The following DEAF1 variants were observed in gnomAD, a reference collection of about 807,000 sequenced individuals.
DEAF1 encodes DEAF1 transcription factor, also known as deformed epidermal autoregulatory factor 1 homolog.
In DEAF1, 53 loss-of-function variants were observed where a neutral mutation model predicts 58.9. The ratio of observed to expected loss-of-function variants is 0.90; its 90% confidence interval spans 0.72 to 1.13. The LOEUF is 1.13. Among genes scored for constraint, DEAF1 ranks in the 50% most tolerant of loss-of-function variants. DEAF1 has a pLI of 0.00. For missense variants in DEAF1, 685 were observed against 791.4 expected (o/e 0.87, Z 1.61); for synonymous variants, 385 against 340.4 (o/e 1.13, Z -1.44).
Position 650,843 on chromosome 11 carries a change from G to A in DEAF1, c.1593+3119C>T, listed in dbSNP as rs188635318. Reference sequence around the variant, plus strand: ...GGGGCGTGTATCTGTAGAGGCTGCCGTGAGTCAAGATCATGCCACTGCGCT... The same window carrying A: ...GGGGCGTGTATCTGTAGAGGCTGCCATGAGTCAAGATCATGCCACTGCGCT... On this transcript the variant is annotated intron_variant, in intron 11 of 11. Coordinates refer to ENST00000382409, the MANE Select transcript of DEAF1 (RefSeq NM_021008.4). Among the ~76,000 whole-genome samples, 289 of 152,164 alleles carry A rather than the reference G, an allele frequency of 1.9e-3. 1 individual carries two copies. Among genetic ancestry groups the A allele is most frequent in the African/African-American group, 6.8e-3 (283 of 41,544 alleles).
chr11:681,897 C>T lies in DEAF1; in HGVS notation c.871-808G>A, dbSNP rs115482760. On this transcript the variant is annotated intron_variant, in intron 6 of 11. Coordinates refer to ENST00000382409, the MANE Select transcript of DEAF1 (RefSeq NM_021008.4). ...GGACCTCTCCAGGCAATTTCTGTTG[C>T]CTGCTTTCTTCCTGTGTATGGTCCA... 4.8e-3 allele frequency among the ~76,000 whole-genome samples: 726 copies of T among 152,222 alleles called. 3 individuals are homozygous for T. Among genetic ancestry groups the T allele is most frequent in the African/African-American group, 0.015 (629 of 41,520 alleles).
intron 1 of DEAF1, chr11:700,824 T>C: frequency 1.0e-6 from 1 of 978,166 alleles, no homozygotes; most frequent in Non-Finnish European, 1.7e-6. Flanking sequence ...TTATCCAAAC[T>C]GCTTACCCAG....
intron 10 of DEAF1, among the ~76,000 whole-genome samples, chr11:660,458 C>G (rs534849588): frequency 5.9e-5 from 9 of 152,248 alleles, no homozygotes; most frequent in Non-Finnish European, 2.9e-5. Flanking sequence ...GCTGCCCCGC[C>G]GGCGCCGCCT....
chr11:655,034 G>C (rs1858977281), intron 10 of DEAF1, among the ~76,000 whole-genome samples: 1 of 151,398 alleles, frequency 6.6e-6, no homozygotes, highest in Non-Finnish European at 1.5e-5. Flanking sequence ...GGGCGACAGA[G>C]CAAGACTGTC....
intron 11 of DEAF1, among the ~76,000 whole-genome samples, chr11:649,021 T>C (rs1858630530): frequency 6.6e-6 from 1 of 151,916 alleles, no homozygotes; most frequent in African/African-American, 2.4e-5. Context: ...GAGGCCAAGG[T>C]GGGAGGGTTA....
At chr11:683,938 G>A (rs1010438796) in intron 6 of DEAF1, among the ~76,000 whole-genome samples, 17 of 152,188 alleles carry the variant, frequency 1.1e-4, no homozygotes, top group South Asian at 1.0e-3. Context: ...GTCTCCTCCC[G>A]GCTCCTTTAC....
intron 10 of DEAF1, among the ~76,000 whole-genome samples, chr11:655,893 C>T (rs1859030170): frequency 6.6e-6 from 1 of 151,904 alleles, no homozygotes. Flanking sequence ...AGTGTAGTGG[C>T]GCAATCTCGG....
At chr11:702,714 C>A (rs1356176117) in intron 1 of DEAF1, among the ~76,000 whole-genome samples, 1 of 152,264 alleles carries the variant, frequency 6.6e-6, no homozygotes, top group Non-Finnish European at 1.5e-5. Context: ...TCAAACCATG[C>A]TGTTGCAGGG....
chr11:678,875 ACTCTAAATAT>A (rs1564943471), intron 8 of DEAF1, 53 bp from the exon 9 acceptor site: 11 of 1,607,742 alleles, frequency 6.8e-6, no homozygotes, highest in Non-Finnish European at 9.4e-6. Context: ...CGCACAGCAG[ACTCTAAATAT>A]CACGCTGTAT....
intron 1 of DEAF1, among the ~76,000 whole-genome samples, chr11:693,996 C>A (rs541653182): frequency 6.6e-6 from 1 of 152,338 alleles, no homozygotes; most frequent in East Asian, 1.9e-4. Context: ...CCACGCTGAC[C>A]TCTGGCATCA....
At position 691,482 on chromosome 11, in the gene DEAF1, G is replaced by T; in HGVS notation, c.387+19C>A. The T allele has an allele frequency of 6.2e-7, 1 of 1,609,234 alleles. No homozygotes were observed. ...CGTGGCACCACCCGCCCTGGGCTGT[G>T]CCCCTCGGAGCAGCTTACCAGAACA... On this transcript the variant is annotated intron_variant, in intron 2 of 11. Transcript: ENST00000382409.
At chr11:679,496 C>T (rs1281953008) in intron 8 of DEAF1, among the ~76,000 whole-genome samples, 192 bp downstream of exon 8, 3 of 152,176 alleles carry the variant, frequency 2.0e-5, no homozygotes, top group Admixed American at 6.5e-5. Context: ...AACCCACTGC[C>T]ACACGCCAAC....
Position 644,268 on chromosome 11 carries a change from T to G in DEAF1, c.*282A>C. 2 of 531,382 alleles carry G rather than the reference T, an allele frequency of 3.8e-6. No individual in the cohort carries two copies. The highest frequency in any genetic ancestry group is 6.9e-6 in the Non-Finnish European group (2 of 291,818). The allele number at this position is 531,382 out of a possible 1,614,324, so 32.9% of individuals were successfully genotyped here. The stretch of plus-strand genomic sequence containing the variant: ...ACACTTTATTGACAGACACAACACG[T>G]ATGTATGTGCGTCGCAGCACAGGCC... On this transcript the variant is annotated 3_prime_UTR_variant, in exon 12 of 12. Transcript: ENST00000382409. The surrounding 1 kb of genome is among the most constrained non-coding windows in gnomAD (Gnocchi z 4.3).
chr11:700,243 A>G, intron 1 of DEAF1: 2 of 1,611,900 alleles, frequency 1.2e-6, no homozygotes, highest in Non-Finnish European at 1.7e-6. Flanking sequence ...AAAGTAAGTC[A>G]GGGACGGGCA....
chr11:685,149 T>TTCTCGGC (rs1443915447), intron 5 of DEAF1, among the ~76,000 whole-genome samples, 186 bp from the exon 6 acceptor site: 1 of 142,606 alleles, frequency 7.0e-6, no homozygotes, highest in Non-Finnish European at 1.5e-5. Context: ...CAGTGGCACG[T>TTCTCGGC]TCTCGGCTCA....
chr11:687,512 C>T (rs113752384), intron 4 of DEAF1, among the ~76,000 whole-genome samples: 13 of 152,314 alleles, frequency 8.5e-5, no homozygotes, highest in Admixed American at 1.3e-4. Context: ...GTTGTTGAGA[C>T]GGAGTCTCGC....
In DEAF1 at chr11:680,086, G is replaced by A. The variant is rs531560390; in HGVS notation, c.998-270C>T. On this transcript the variant is annotated intron_variant, in intron 7 of 11. Transcript: ENST00000382409. ...ACCATGGAAATGTGCTGCCCAGCCAGAAAACAAACATAAAATAAAACTTTC... is the reference window on the plus strand; with the variant it reads ...ACCATGGAAATGTGCTGCCCAGCCAAAAAACAAACATAAAATAAAACTTTC... The A allele has an allele frequency of 5.7e-6, 3 of 523,136 alleles. No individual in the cohort carries two copies. In the South Asian group the frequency reaches 6.9e-5, roughly 12 times the overall value. 32.4% of individuals were successfully genotyped at this position (523,136 alleles called of 1,614,324 possible). A position where few individuals can be genotyped will look rare whatever the true frequency, so the allele number is the denominator to read the frequency against.
At chr11:662,208 G>A (rs1010762817) in intron 10 of DEAF1, among the ~76,000 whole-genome samples, 1 of 152,148 alleles carries the variant, frequency 6.6e-6, no homozygotes, top group Non-Finnish European at 1.5e-5. Flanking sequence ...GATCCCGGGA[G>A]GCAGAGGTTG....
At chr11:684,790 A>G in intron 6 of DEAF1, 108 bp downstream of exon 6, 1 of 947,908 alleles carries the variant, frequency 1.1e-6, no homozygotes, top group Non-Finnish European at 1.7e-6. Context: ...GTCTCTCTCC[A>G]AGGCAGAGGG....
Sources: gnomAD v4.1 joint callset for allele counts (sites outside exome capture counted in the v4.1 genomes callset) on GRCh38, gnomAD v4.1.1 for gene constraint, Gnocchi (gnomAD v3.1) non-coding constraint, MANE v1.5 for transcripts, NCBI Gene and HGNC (gene_info 2026-07-23, HGNC 2026-07-21) for gene names.